The following PHF13 variants were observed in gnomAD, a reference collection of about 807,000 sequenced individuals.
PHF13 encodes the protein PHD finger protein 13.
PHF13 carries 1 observed loss-of-function variant against 25.8 expected under a neutral mutation model. That is an observed-to-expected ratio of 0.04 (90% CI 0.01 to 0.18). PHF13 has a LOEUF of 0.18. PHF13 is among the 10% of genes least tolerant of loss of function. The pLI, the probability that PHF13 is intolerant of heterozygous loss-of-function variation, is 1.00. For missense variants in PHF13, 306 were observed against 403.2 expected (o/e 0.76, Z 2.06); for synonymous variants, 195 against 162.4 (o/e 1.20, Z -1.53).
intron 1 of PHF13, among the ~76,000 whole-genome samples, chr1:6,615,698 T>C (rs1641250921): frequency 6.6e-6 from 1 of 152,164 alleles, no homozygotes; most frequent in Admixed American, 6.5e-5. Context: ...TTGTTTTGCT[T>C]AGGAGCAAAT....
At position 6,624,012 on chromosome 1, in the gene PHF13, G is replaced by A. The variant is rs1314838607; in HGVS notation, c.*2375G>A. On this transcript the variant is annotated 3_prime_UTR_variant, in exon 4 of 4. Coordinates refer to ENST00000377648, the MANE Select transcript of PHF13 (RefSeq NM_153812.3). Reference sequence around the variant, plus strand: ...GAGGTTCATGATTCAAGGTTCAGGCGATTGCGTTCTGTGCTGAAGGACAAT... The same window carrying A: ...GAGGTTCATGATTCAAGGTTCAGGCAATTGCGTTCTGTGCTGAAGGACAAT... 2 of 152,670 alleles carry A rather than the reference G, an allele frequency of 1.3e-5. No homozygotes were observed. Among genetic ancestry groups the A allele is most frequent in the South Asian group, 2.1e-4 (1 of 4,824 alleles). The allele number at this position is 152,670 out of a possible 1,614,324, so 9.5% of individuals were successfully genotyped here.
At chr1:6,614,557 C>T (rs1553122973) in intron 1 of PHF13, 1 of 157,162 alleles carries the variant, frequency 6.4e-6, no homozygotes, top group Non-Finnish European at 1.4e-5. Flanking sequence ...TCCCGAGGCC[C>T]CCGGCTGCTC....
rs555526679 is a variant in PHF13 at position 6,622,168 on chromosome 1, G to A, written c.*531G>A. 14 of 169,564 alleles carry A rather than the reference G, an allele frequency of 8.3e-5. No homozygotes were observed. The allele number at this position is 169,564 out of a possible 1,614,324, so 10.5% of individuals were successfully genotyped here. Reference sequence around the variant, plus strand: ...TGCCTGCCTCAGCTGCTGCCTGACCGGCTGGGGGAGGCACTGGCGGGAGGC... The same window carrying A: ...TGCCTGCCTCAGCTGCTGCCTGACCAGCTGGGGGAGGCACTGGCGGGAGGC... On this transcript the variant is annotated 3_prime_UTR_variant, in exon 4 of 4. Coordinates refer to ENST00000377648, the MANE Select transcript of PHF13 (RefSeq NM_153812.3).
intron 1 of PHF13, chr1:6,614,436 G>T: frequency 3.3e-6 from 1 of 302,374 alleles, no homozygotes. Context: ...GCCCCTCCCC[G>T]CCGGCCTGCT....
rs1447702603 is a variant in PHF13 at position 6,622,988 on chromosome 1, C to G, written c.*1351C>G. ...CAAGTACTTGTTCTCAAAACATTTT[C>G]TAATTGATTGGTAGGTTTTCATAAG... On this transcript the variant is annotated 3_prime_UTR_variant, in exon 4 of 4. Coordinates refer to ENST00000377648, the MANE Select transcript of PHF13 (RefSeq NM_153812.3). 1.3e-5 allele frequency: 2 copies of G among 152,236 alleles called. No homozygotes were observed. Among genetic ancestry groups the G allele is most frequent in the South Asian group, 2.1e-4 (1 of 4,834 alleles). The allele number at this position is 152,236 out of a possible 1,614,324, so 9.4% of individuals were successfully genotyped here.
At chr1:6,614,793 C>T (rs948746036) in intron 1 of PHF13, among the ~76,000 whole-genome samples, 4 of 151,522 alleles carry the variant, frequency 2.6e-5, no homozygotes, top group Non-Finnish European at 4.4e-5. Flanking sequence ...CGGCTCACTC[C>T]CCCTCCTTCC....
chr1:6,616,229 A>G (rs1206975278), intron 1 of PHF13, among the ~76,000 whole-genome samples: 1 of 151,620 alleles, frequency 6.6e-6, no homozygotes, highest in Non-Finnish European at 1.5e-5. Flanking sequence ...GGGTTTCACC[A>G]TGTTGGTCAG....
chr1:6,616,132 G>A (rs1641257240), intron 1 of PHF13, among the ~76,000 whole-genome samples: 1 of 147,432 alleles, frequency 6.8e-6, no homozygotes, highest in Non-Finnish European at 1.5e-5. Flanking sequence ...GGGTTCACGC[G>A]ATTCTCCTGC....
rs370748049 is a variant in PHF13 at position 6,621,682 on chromosome 1, C to T, written c.*45C>T. 114 of 1,594,312 alleles carry T rather than the reference C, an allele frequency of 7.2e-5. No individual in the cohort carries two copies. Among genetic ancestry groups the T allele is most frequent in the Non-Finnish European group, 8.6e-5 (100 of 1,164,350 alleles). ...CTGCGAGCGTGGAATCGGAAGCGAC[C>T]GCGGGCTTTTTTGCCCTTCTCTTAG... On this transcript the variant is annotated 3_prime_UTR_variant, in exon 4 of 4. Coordinates refer to ENST00000377648, the MANE Select transcript of PHF13 (RefSeq NM_153812.3). The surrounding 1 kb of genome is among the most constrained non-coding windows in gnomAD (Gnocchi z 4.8).
intron 1 of PHF13, 32 bp from the exon 2 acceptor site, chr1:6,616,725 C>T (rs376862032): frequency 8.8e-6 from 14 of 1,582,642 alleles, no homozygotes; most frequent in Non-Finnish European, 8.7e-7. Flanking sequence ...GCCTCTCCTT[C>T]AAACACATTC....
At chr1:6,614,198 C>T in intron 1 of PHF13, 93 bp downstream of exon 1, 3 of 1,146,954 alleles carry the variant, frequency 2.6e-6, no homozygotes, top group South Asian at 2.6e-5. Context: ...CCCGGAGCGC[C>T]GCCCTCCCCT....
rs1557446901 is a variant in PHF13 at position 6,620,197 on chromosome 1, G to T, written c.536G>T (p.Gly179Val). Residue 179 changes from glycine (G) to valine (V), a missense_variant, in exon 3 of 4, where the codon GGA becomes GTA. This residue lies in a region of PHF13 where 186 missense variants were observed against 164.0 expected (regional missense o/e 1.13). Transcript: ENST00000377648. ...TGGGACTCCGATACTCCCTCGAGTG[G>T]ATCTTGTGCCACTGTGTCACCTGAT... The part of the protein sequence containing the change: ...SGWDSDTPSS[G>V]SCATVSPDQV... The T allele has an allele frequency of 6.2e-7, 1 of 1,614,022 alleles. No individual in the cohort carries two copies. Among genetic ancestry groups the T allele is most frequent in the Non-Finnish European group, 8.5e-7 (1 of 1,180,014 alleles).
intron 1 of PHF13, among the ~76,000 whole-genome samples, chr1:6,615,488 G>A (rs892039042): frequency 6.6e-6 from 1 of 152,090 alleles, no homozygotes; most frequent in Non-Finnish European, 1.5e-5. Context: ...TTTCTCGAAA[G>A]AAAACCCGCG....
intron 2 of PHF13, 140 bp from the exon 3 acceptor site, chr1:6,619,663 A>T (rs758831014): frequency 1.1e-6 from 1 of 870,672 alleles, no homozygotes; most frequent in East Asian, 2.4e-5. Context: ...TGTTGCTTCA[A>T]GTGTGATGCT....
In PHF13 at chr1:6,616,025, ATTTTTTTTT is replaced by A. The variant is rs5772244; in HGVS notation, c.40-719_40-711del. 8.7e-5 allele frequency among the ~76,000 whole-genome samples: 8 copies of A among 91,772 alleles called. No homozygotes were observed. The Admixed American group carries it at 1.0e-3, about 12-fold the overall frequency. The allele number at this position is 91,772 out of a possible 152,430, so 60.2% of individuals were successfully genotyped here. A position where few individuals can be genotyped will look rare whatever the true frequency, so the allele number is the denominator to read the frequency against. Reference sequence around the variant, plus strand: ...GAGAGCTCTGGAGAATGAGTGGTTGATTTTTTTTTTTTTTTTTTTTTGAGTTGGAATCTT... The same window carrying A: ...GAGAGCTCTGGAGAATGAGTGGTTGATTTTTTTTTTTTGAGTTGGAATCTT... On this transcript the variant is annotated intron_variant, in intron 1 of 3. Transcript: ENST00000377648.
chr1:6,613,796 A>ACCG lies in PHF13; in HGVS notation c.-256_-254dup, dbSNP rs560682421. On this transcript the variant is annotated 5_prime_UTR_variant, in exon 1 of 4. Coordinates refer to ENST00000377648, the MANE Select transcript of PHF13 (RefSeq NM_153812.3). ...CGGGGAGCCGGTCGGGTTCCCGCTC[A>ACCG]CCGCCGCCGCCGCCGCCCCCTGCAG... is the stretch of plus-strand genomic sequence containing the variant. 1.7e-3 allele frequency: 360 copies of ACCG among 212,884 alleles called. No individual in the cohort carries two copies. The highest frequency in any genetic ancestry group is 6.7e-3 in the Middle Eastern group (4 of 594). 13.2% of individuals were successfully genotyped at this position (212,884 alleles called of 1,614,324 possible). A position where few individuals can be genotyped will look rare whatever the true frequency, so the allele number is the denominator to read the frequency against.
chr1:6,614,562 C>G (rs1169103464), intron 1 of PHF13: 1 of 156,618 alleles, frequency 6.4e-6, no homozygotes, highest in African/African-American at 2.4e-5. Context: ...AGGCCCCCGG[C>G]TGCTCCCCCG....
intron 1 of PHF13, among the ~76,000 whole-genome samples, chr1:6,615,416 G>A (rs1641245594): frequency 6.6e-6 from 1 of 152,216 alleles, no homozygotes; most frequent in South Asian, 2.1e-4. Context: ...GGTCCAAGGG[G>A]GTGGGAGAGG....
intron 1 of PHF13, chr1:6,614,366 C>A: frequency 4.2e-6 from 2 of 474,242 alleles, no homozygotes; most frequent in Non-Finnish European, 7.4e-6. Flanking sequence ...GCGCCTATTT[C>A]TCTCCCCCGG....
Sources: allele counts gnomAD v4.1 joint callset (sites outside exome capture counted in the v4.1 genomes callset), GRCh38; gene constraint gnomAD v4.1.1; regional missense constraint gnomAD v4.1.1; non-coding constraint Gnocchi (gnomAD v3.1); transcripts MANE v1.5; gene names NCBI Gene and HGNC (gene_info 2026-07-23, HGNC 2026-07-21).